Variants in CSMD1 observed in about 807,000 individuals in gnomAD.
CSMD1 encodes CUB and Sushi multiple domains 1.
CSMD1 carries 213 observed loss-of-function variants against 417.5 expected under a neutral mutation model. The ratio of observed to expected loss-of-function variants is 0.51; its 90% CI spans 0.46 to 0.57. The LOEUF (loss-of-function observed/expected upper bound fraction) is 0.57, where lower values mean the gene tolerates loss of function less well. CSMD1 is among the 20% of genes least tolerant of loss of function. The pLI is 0.00. For synonymous variants in CSMD1, 2,862 were observed against 1,736.8 expected (o/e 1.65, Z -16.11); for missense variants, 6,923 against 4,529.7 (o/e 1.53, Z -15.17).
chr8:4,828,431 T>C (rs948406244), intron 1 of CSMD1, among the ~76,000 whole-genome samples: 5 of 151,868 alleles, frequency 3.3e-5, no homozygotes, highest in African/African-American at 1.2e-4. Flanking sequence ...AGCAGGGGAG[T>C]TGACAGATAA....
intron 3 of CSMD1, among the ~76,000 whole-genome samples, chr8:4,320,520 C>G (rs1030249512): frequency 6.6e-6 from 1 of 152,108 alleles, no homozygotes; most frequent in Non-Finnish European, 1.5e-5. Context: ...ACCCCCACCC[C>G]CCAACAGGCC....
At chr8:4,681,866 C>T (rs1806073019) in intron 1 of CSMD1, among the ~76,000 whole-genome samples, 1 of 152,202 alleles carries the variant, frequency 6.6e-6, no homozygotes. Flanking sequence ...GAAGGTAACT[C>T]TGCAGAAAAA....
intron 25 of CSMD1, among the ~76,000 whole-genome samples, chr8:3,288,906 A>T (rs1451792848): frequency 6.8e-6 from 1 of 146,846 alleles, no homozygotes; most frequent in Non-Finnish European, 1.5e-5. Context: ...TACATGTGCC[A>T]TGCTGGTGTG....
intron 3 of CSMD1, among the ~76,000 whole-genome samples, chr8:4,360,873 G>C (rs533732356): frequency 7.9e-5 from 12 of 152,226 alleles, no homozygotes; most frequent in African/African-American, 1.2e-4. Flanking sequence ...TTTAATATTG[G>C]TAAAGCACTG....
chr8:3,110,878 T>A (rs1816471008), intron 42 of CSMD1, among the ~76,000 whole-genome samples: 1 of 152,208 alleles, frequency 6.6e-6, no homozygotes, highest in African/African-American at 2.4e-5. Flanking sequence ...GCATTTCCAG[T>A]TTTTACTAGT....
chr8:4,310,510 T>C (rs1798500670), intron 3 of CSMD1, among the ~76,000 whole-genome samples: 2 of 122,390 alleles, frequency 1.6e-5, no homozygotes, highest in South Asian at 6.2e-4. Context: ...CTTCTTTTCT[T>C]CCACATTAAA....
chr8:4,992,290 C>T (rs988282774), intron 1 of CSMD1, among the ~76,000 whole-genome samples: 5 of 152,216 alleles, frequency 3.3e-5, no homozygotes, highest in African/African-American at 7.2e-5. Flanking sequence ...GGAATCCGCC[C>T]GGCACACACG....
chr8:3,816,154 G>T (rs768340821), intron 5 of CSMD1, among the ~76,000 whole-genome samples: 1 of 152,140 alleles, frequency 6.6e-6, no homozygotes, highest in Non-Finnish European at 1.5e-5. Flanking sequence ...AAGAAAACAA[G>T]ATTGGATAAA....
At chr8:3,948,590 A>G (rs1811394984) in intron 5 of CSMD1, among the ~76,000 whole-genome samples, 1 of 152,148 alleles carries the variant, frequency 6.6e-6, no homozygotes, top group African/African-American at 2.4e-5. Context: ...ATGATAAACG[A>G]TGAACGTGTT....
chr8:2,979,426 G>T (rs373995987), intron 54 of CSMD1, among the ~76,000 whole-genome samples: 4 of 152,228 alleles, frequency 2.6e-5, no homozygotes, highest in African/African-American at 9.6e-5. Context: ...CCTCTGAAAG[G>T]CATTAGCCTG....
intron 49 of CSMD1, among the ~76,000 whole-genome samples, chr8:3,072,758 C>T (rs1327311873): frequency 2.0e-5 from 3 of 152,140 alleles, no homozygotes; most frequent in Non-Finnish European, 2.9e-5. Flanking sequence ...TCTTCCATTT[C>T]AGTGCATAGC....
At chr8:3,393,136 T>C (rs1811445553) in intron 17 of CSMD1, among the ~76,000 whole-genome samples, 1 of 152,112 alleles carries the variant, frequency 6.6e-6, no homozygotes, top group South Asian at 2.1e-4. Context: ...TGAGGTCCTA[T>C]TTCTCCCTTA....
chr8:4,351,515 C>A (rs114203626), intron 3 of CSMD1, among the ~76,000 whole-genome samples: 3 of 152,154 alleles, frequency 2.0e-5, no homozygotes, highest in African/African-American at 7.2e-5. Context: ...ATTGACAGAA[C>A]TTAAATTGTG....
At chr8:3,399,370 G>T (rs372131108) in intron 16 of CSMD1, 21 bp downstream of exon 16, 1 of 1,584,834 alleles carries the variant, frequency 6.3e-7, no homozygotes, top group African/African-American at 1.4e-5. Context: ...GGGTCCAAAT[G>T]AAGACTAATT....
intron 26 of CSMD1, among the ~76,000 whole-genome samples, chr8:3,270,649 A>T (rs1801777414): frequency 6.6e-6 from 1 of 152,190 alleles, no homozygotes; most frequent in Non-Finnish European, 1.5e-5. Context: ...CATCAAAGCA[A>T]GTCTACAGTA....
chr8:4,992,772 C>A (rs1412647085), intron 1 of CSMD1, among the ~76,000 whole-genome samples: 1 of 152,228 alleles, frequency 6.6e-6, no homozygotes, highest in African/African-American at 2.4e-5. Context: ...CCAAGGCATC[C>A]GGACTGAGCC....
At chr8:4,365,836 C>T (rs540069175) in intron 3 of CSMD1, among the ~76,000 whole-genome samples, 93 of 152,282 alleles carry the variant, frequency 6.1e-4, no homozygotes, top group African/African-American at 2.1e-3. Context: ...TTTCTAGATT[C>T]CACCAAGGAA....
chr8:3,687,864 G>C (rs757519864), intron 7 of CSMD1, among the ~76,000 whole-genome samples: 1 of 152,220 alleles, frequency 6.6e-6, no homozygotes, highest in Non-Finnish European at 1.5e-5. Flanking sequence ...CACTCAGTGA[G>C]GACCAGAGTC....
At chr8:4,487,530 G>T (rs1409103525) in intron 2 of CSMD1, among the ~76,000 whole-genome samples, 2 of 152,156 alleles carry the variant, frequency 1.3e-5, no homozygotes, top group Non-Finnish European at 2.9e-5. Flanking sequence ...ATTCCATGGT[G>T]TACATGTGCC....
Sources: gnomAD v4.1 joint callset for allele counts (sites outside exome capture counted in the v4.1 genomes callset) on GRCh38, gnomAD v4.1.1 for gene constraint, MANE v1.5 for transcripts, NCBI Gene and HGNC (gene_info 2026-07-23, HGNC 2026-07-21) for gene names.